Variants in SNRPA observed in about 807,000 individuals in gnomAD.
SNRPA encodes small nuclear ribonucleoprotein polypeptide A.
In SNRPA, 10 loss-of-function variants were observed where a neutral mutation model predicts 24.5. The observed-to-expected ratio is 0.41, with a 90% CI of 0.25 to 0.69. The LOEUF (loss-of-function observed/expected upper bound fraction) is 0.69, where lower values mean the gene tolerates loss of function less well. SNRPA is among the 30% of genes least tolerant of loss of function. The probability of loss-of-function intolerance (pLI) is 0.33; values close to 1 mark genes in which losing one functional copy is unlikely to be tolerated. For synonymous variants in SNRPA, 165 were observed against 148.4 expected, an observed-to-expected ratio of 1.11 and a Z score of -0.81; for missense variants, 283 against 394.7, an observed-to-expected ratio of 0.72 and a Z score of 2.40.
Position 40,765,181 on chromosome 19 carries a change from C to G in SNRPA, c.*14C>G, listed in dbSNP as rs376777993. 1.2e-5 allele frequency: 18 copies of G among 1,504,668 alleles called. No individual in the cohort carries two copies. Among genetic ancestry groups the G allele is most frequent in the East Asian group, 2.6e-5 (1 of 39,016 alleles). The allele number at this position is 1,504,668 out of a possible 1,614,324, so 93.2% of individuals were successfully genotyped here. A position where few individuals can be genotyped will look rare whatever the true frequency, so the allele number is the denominator to read the frequency against. ...GCCAAGAAGTAGCACCTTTTCCCCC[C>G]ATGCCTGCCCCTTCCCCTGTTCTGG... is the stretch of plus-strand genomic sequence containing the variant. On this transcript the variant is annotated 3_prime_UTR_variant, in exon 6 of 6. Transcript: ENST00000243563.
intron 1 of SNRPA, among the ~76,000 whole-genome samples, chr19:40,755,054 AT>A (rs774590467): frequency 3.5e-4 from 53 of 150,672 alleles, no homozygotes; most frequent in Admixed American, 8.6e-4. Context: ...CCTGGTATCT[AT>A]TTTACAAGTG....
chr19:40,758,282 A>T (rs1258400857), intron 2 of SNRPA, among the ~76,000 whole-genome samples: 1 of 152,062 alleles, frequency 6.6e-6, no homozygotes, highest in African/African-American at 2.4e-5. Flanking sequence ...TCTTTAACAT[A>T]CCTTCCCCTA....
chr19:40,760,004 A>C (rs566505272), intron 3 of SNRPA, among the ~76,000 whole-genome samples: 47 of 152,292 alleles, frequency 3.1e-4, no homozygotes, highest in Middle Eastern at 3.4e-3. Flanking sequence ...TAAAGGCAAT[A>C]TGGAAAAAAA....
At chr19:40,751,555 C>T in intron 1 of SNRPA, 74 bp downstream of exon 1, 2 of 1,088,010 alleles carry the variant, frequency 1.8e-6, no homozygotes, top group East Asian at 2.4e-5. Flanking sequence ...CTGCACCCGC[C>T]TCTCTTTCTA....
intron 3 of SNRPA, 120 bp downstream of exon 3, chr19:40,759,730 T>G: frequency 1.2e-6 from 1 of 850,570 alleles, no homozygotes; most frequent in Non-Finnish European, 1.8e-6. Context: ...TCCTTTCCAT[T>G]TCTTTATAGA....
At position 40,751,426 on chromosome 19, in the gene SNRPA, C is replaced by T. The variant is rs752218725; in HGVS notation, c.18C>T (p.Thr6=). The T allele has an allele frequency of 1.9e-5, 30 of 1,613,304 alleles. No individual in the cohort carries two copies. The highest frequency in any genetic ancestry group is 5.9e-6 in the Non-Finnish European group (7 of 1,179,422). Residue 6 remains threonine, a synonymous_variant, in exon 1 of 6, where the codon ACC becomes ACT. Transcript: ENST00000243563. ...TTCACTCCATGGCAGTTCCCGAGACCCGCCCTAACCACACTATTTATATCA... is the reference window on the plus strand; with the variant it reads ...TTCACTCCATGGCAGTTCCCGAGACTCGCCCTAACCACACTATTTATATCA... MAVPE[T]RPNHTIYINN...
At chr19:40,757,070 T>A (rs1465645273) in intron 1 of SNRPA, 4 of 445,710 alleles carry the variant, frequency 9.0e-6, no homozygotes, top group African/African-American at 6.1e-5. Context: ...GTTTACTACG[T>A]GCCGGATGCT....
chr19:40,762,911 C>A lies in SNRPA; in HGVS notation c.437C>A (p.Pro146Gln). The change falls in exon 4 of 6, where the codon CCG becomes CAG. Residue 146 changes from proline (P) to glutamine (Q), a missense_variant. By Grantham distance (76) the Pro-to-Gln change is moderately conservative. Transcript: ENST00000243563. The stretch of plus-strand genomic sequence containing the variant: ...TCCCTCTCTCCACAGGGCATGCCGC[C>A]GATGACTCAGGCGCCCCGCATTATG... ...AVQGPVPGMP[P>Q]MTQAPRIMHH... The A allele has an allele frequency of 6.2e-7, 1 of 1,613,594 alleles. No homozygotes were observed. The highest frequency in any genetic ancestry group is 1.1e-5 in the South Asian group (1 of 91,016).
At chr19:40,761,126 CAAA>C (rs560060437) in intron 3 of SNRPA, among the ~76,000 whole-genome samples, 6 of 75,484 alleles carry the variant, frequency 7.9e-5, no homozygotes, top group Admixed American at 1.5e-4. Context: ...CGTCCATGTG[CAAA>C]AAAAAAAAAA....
chr19:40,764,163 T>A (rs993786887), intron 5 of SNRPA, among the ~76,000 whole-genome samples: 5 of 151,940 alleles, frequency 3.3e-5, no homozygotes, highest in African/African-American at 1.2e-4. Context: ...TTGAGTGAAG[T>A]CGTGGGTGTG....
intron 3 of SNRPA, among the ~76,000 whole-genome samples, chr19:40,762,060 C>T (rs759637706): frequency 4.6e-5 from 7 of 152,050 alleles, no homozygotes; most frequent in Non-Finnish European, 8.8e-5. Flanking sequence ...CTCTCCTCTT[C>T]CCTGCACCTA....
chr19:40,751,525 G>A, intron 1 of SNRPA, 44 bp downstream of exon 1: 1 of 1,410,396 alleles, frequency 7.1e-7, no homozygotes. Flanking sequence ...TCCCGCACGG[G>A]CTGGCCCCTC....
chr19:40,762,939 C>A lies in SNRPA; in HGVS notation c.465C>A (p.His155Gln), dbSNP rs2082938938. 10 of 1,613,910 alleles carry A rather than the reference C, an allele frequency of 6.2e-6. No individual in the cohort carries two copies. Among genetic ancestry groups the A allele is most frequent in the Non-Finnish European group, 8.5e-6 (10 of 1,179,974 alleles). ...PPMTQAPRIM[H>Q]HMPGQPPYMP... ...TGACTCAGGCGCCCCGCATTATGCA[C>A]CACATGCCGGGCCAGCCGCCCTACA... Residue 155 changes from histidine to glutamine, a missense_variant, in exon 4 of 6, where the codon CAC (histidine) becomes CAA (glutamine). Physicochemically the swap from His to Gln is conservative, Grantham distance 24 (BLOSUM62 0). This residue lies in a region of SNRPA where 167 missense variants were observed against 174.3 expected (regional missense o/e 0.96). Transcript: ENST00000243563.
intron 4 of SNRPA, chr19:40,763,338 C>CG: frequency 1.7e-6 from 1 of 593,688 alleles, no homozygotes; most frequent in South Asian, 2.1e-5. Context: ...TCCTTACGTG[C>CG]CAGGCCCCGT....
Position 40,762,990 on chromosome 19 carries a change from G to A in SNRPA, c.516G>A (p.Pro172=), listed in dbSNP as rs557086367. ...TGCCGCCCCCTGGTATGATCCCCCCGCCAGGCCTTGCACCTGGCCAGATCC... is the reference window on the plus strand; with the variant it reads ...TGCCGCCCCCTGGTATGATCCCCCCACCAGGCCTTGCACCTGGCCAGATCC... ...PYMPPPGMIP[P]PGLAPGQIPP... The change falls in exon 4 of 6, where the codon CCG becomes CCA. Residue 172 remains proline, a synonymous_variant. Coordinates refer to ENST00000243563, the MANE Select transcript of SNRPA (RefSeq NM_004596.5). 77 of 1,611,798 alleles carry A rather than the reference G, an allele frequency of 4.8e-5. No individual in the cohort carries two copies. The highest frequency in any genetic ancestry group is 2.0e-4 in the South Asian group (18 of 90,868).
chr19:40,758,186 C>CA (rs1018305861), intron 2 of SNRPA, among the ~76,000 whole-genome samples: 1 of 151,912 alleles, frequency 6.6e-6, no homozygotes, highest in Admixed American at 6.6e-5. Flanking sequence ...AGGCTGGTCT[C>CA]AAACTCCTGA....
intron 3 of SNRPA, among the ~76,000 whole-genome samples, chr19:40,760,938 CTTTTT>C (rs1285594272): frequency 6.6e-6 from 1 of 151,976 alleles, no homozygotes; most frequent in South Asian, 2.1e-4. Context: ...GACCTTGTCT[CTTTTT>C]TGTTTTGTTT....
chr19:40,752,137 A>C (rs2082876680), intron 1 of SNRPA, among the ~76,000 whole-genome samples: 1 of 151,676 alleles, frequency 6.6e-6, no homozygotes, highest in Non-Finnish European at 1.5e-5. Context: ...CGGGAGTTCG[A>C]GACCAGCCTG....
intron 1 of SNRPA, 93 bp downstream of exon 1, chr19:40,751,574 T>C (rs2082864322): frequency 1.0e-6 from 1 of 972,330 alleles, no homozygotes; most frequent in Non-Finnish European, 1.7e-6. Flanking sequence ...TAAGTGTTTG[T>C]CCAGCCAAAC....
Sources: gnomAD v4.1 joint callset for allele counts (sites outside exome capture counted in the v4.1 genomes callset) on GRCh38, gnomAD v4.1.1 for gene constraint, gnomAD v4.1.1 regional missense constraint, MANE v1.5 for transcripts, NCBI Gene and HGNC (gene_info 2026-07-23, HGNC 2026-07-21) for gene names.